Variants in PRRC2A observed in about 807,000 individuals in gnomAD.
PRRC2A encodes protein PRRC2A.
PRRC2A carries 59 observed loss-of-function variants against 224.6 expected under a neutral mutation model. The observed-to-expected ratio is 0.26, with a 90% CI of 0.21 to 0.33. The LOEUF is 0.33. PRRC2A is among the 10% of genes least tolerant of loss of function. The probability of loss-of-function intolerance (pLI) is 1.00; values close to 1 mark genes in which losing one functional copy is unlikely to be tolerated. For missense variants in PRRC2A, 3,095 were observed against 2,880.7 expected, an observed-to-expected ratio of 1.07 and a Z score of -1.70; for synonymous variants, 1,194 against 1,109.5, an observed-to-expected ratio of 1.08 and a Z score of -1.51.
At chr6:31,630,233 C>T (rs1342788213) in intron 14 of PRRC2A, among the ~76,000 whole-genome samples, 1 of 152,196 alleles carries the variant, frequency 6.6e-6, no homozygotes, top group Non-Finnish European at 1.5e-5. Flanking sequence ...AGGAGAAACG[C>T]TTGAACCCAG....
In PRRC2A at chr6:31,632,179, G is replaced by A. The variant is rs551529031; in HGVS notation, c.3506G>A (p.Arg1169His). 1.0e-4 allele frequency: 164 copies of A among 1,596,228 alleles called. No homozygotes were observed. The South Asian group carries it at 1.7e-3, about 16-fold the overall frequency. ...TTCACTCCCAGAGGGGTGCCATCTC[G>A]CCGGGGCCGAGGAGGAGGGAGGCCC... ...RVFTPRGVPS[R>H]RGRGGGRPPP... Residue 1169 changes from arginine (R) to histidine (H), a missense_variant, in exon 16 of 31, where the codon CGC becomes CAC. Coordinates refer to ENST00000376033, the MANE Select transcript of PRRC2A (RefSeq NM_004638.4).
chr6:31,632,957 C>G lies in PRRC2A; in HGVS notation c.4284C>G (p.Gly1428=), dbSNP rs373535637. Residue 1428 remains glycine (G), a synonymous_variant, in exon 16 of 31, where the codon GGC becomes GGG. Coordinates refer to ENST00000376033, the MANE Select transcript of PRRC2A (RefSeq NM_004638.4). ...GAGGAAGGACCGGGCCAGGACGAGG[C>G]GACAAGAGGAGCTGGCCCTCTCCCA... ...GPGGRTGPGR[G]DKRSWPSPKN... is the part of the protein sequence containing the mutation. The G allele has an allele frequency of 6.2e-7, 1 of 1,601,328 alleles. No homozygotes were observed. Among genetic ancestry groups the G allele is most frequent in the Non-Finnish European group, 8.5e-7 (1 of 1,172,744 alleles).
rs760353643 is a variant in PRRC2A, at chr6:31,634,478, G to T, written c.4856G>T (p.Ser1619Ile). The T allele has an allele frequency of 7.4e-6, 12 of 1,612,982 alleles. No homozygotes were observed. The Admixed American group carries it at 1.8e-4, about 25-fold the overall frequency. The change falls in exon 20 of 31, where the codon AGC (serine) becomes ATC (isoleucine). Residue 1619 changes from serine (S) to isoleucine (I), a missense_variant. Coordinates refer to ENST00000376033, the MANE Select transcript of PRRC2A (RefSeq NM_004638.4). ...TTGGTGCTCCCTTCTCCAGCCACTAGCCGAAAGAGTTACCGGCCCAGCTCC... is the reference window on the plus strand; with the variant it reads ...TTGGTGCTCCCTTCTCCAGCCACTATCCGAAAGAGTTACCGGCCCAGCTCC... ...HIWNRLHTAT[S>I]RKSYRPSSME...
In PRRC2A at chr6:31,634,946, C is replaced by T. The variant is rs1486843888; in HGVS notation, c.5129C>T (p.Pro1710Leu). Residue 1710 changes from proline (P) to leucine (L), a missense_variant, in exon 21 of 31, where the codon CCA (proline) becomes CTA (leucine). Transcript: ENST00000376033. The stretch of plus-strand genomic sequence containing the variant: ...CCTGGCTCTGAACCTCCTAGGAGAC[C>T]ACCACCTGCCCCCCACGATGGGGAC... ...GPPGSEPPRR[P>L]PPAPHDGDRK... is the part of the protein sequence containing the mutation. 2 of 1,612,768 alleles carry T rather than the reference C, an allele frequency of 1.2e-6. No homozygotes were observed. Among genetic ancestry groups the T allele is most frequent in the Non-Finnish European group, 1.7e-6 (2 of 1,179,900 alleles).
In PRRC2A at chr6:31,625,821, G is replaced by A. The variant is rs763469992; in HGVS notation, c.789G>A (p.Pro263=). ...ATCCCCCATATCTCCCGTTCCCTCC[G>A]CCCTATGGACCCCAGGGGCCTTACC... The part of the protein sequence containing the change: ...FMYPPYLPFP[P]PYGPQGPYRY... Residue 263 remains proline, a synonymous_variant, in exon 8 of 31, where the codon CCG becomes CCA. Transcript: ENST00000376033. The surrounding 1 kb of genome is among the most constrained non-coding windows in gnomAD (Gnocchi z 4.1). The A allele has an allele frequency of 1.5e-5, 24 of 1,587,880 alleles. 1 individual carries two copies. The South Asian group carries it at 2.0e-4, about 13-fold the overall frequency.
At chr6:31,624,423 T>G in intron 4 of PRRC2A, 27 bp from the exon 5 acceptor site, 1 of 1,610,278 alleles carries the variant, frequency 6.2e-7, no homozygotes, top group South Asian at 1.1e-5. Context: ...CCCACATCAT[T>G]TATCATCTTT....
intron 2 of PRRC2A, chr6:31,623,257 AGATTTTT>A: frequency 4.8e-6 from 2 of 418,932 alleles, no homozygotes; most frequent in Non-Finnish European, 8.7e-6. Context: ...GGGATTTCAT[AGATTTTT>A]TTTTTTTTTT....
rs1237099573 is a variant in PRRC2A at position 31,631,798 on chromosome 6, A to G, written c.3125A>G (p.Tyr1042Cys). The part of the protein sequence containing the change: ...FARGRGFRGT[Y>C]GGRGRGARSR... Reference sequence around the variant, plus strand: ...AGAGGGAGGGGTTTTCGGGGGACCTATGGGGGACGAGGGCGGGGAGCCCGA... The same window carrying G: ...AGAGGGAGGGGTTTTCGGGGGACCTGTGGGGGACGAGGGCGGGGAGCCCGA... Residue 1042 changes from tyrosine (Y) to cysteine (C), a missense_variant, in exon 16 of 31, where the codon TAT becomes TGT. Transcript: ENST00000376033. This position sits in a 1 kb window ranked among gnomAD's most constrained non-coding sequence, Gnocchi z 4.5. 6.3e-7 allele frequency: 1 copy of G among 1,577,832 alleles called. No individual in the cohort carries two copies. The highest frequency in any genetic ancestry group is 1.2e-5 in the South Asian group (1 of 86,140).
In PRRC2A at chr6:31,636,776, T is replaced by A. The variant is rs1476151903; in HGVS notation, c.5978T>A (p.Phe1993Tyr). Reference protein sequence around the residue: ...MVDSQLPVVNFGSLPPAPPPA... With the variant: ...MVDSQLPVVNYGSLPPAPPPA... Reference sequence around the variant, plus strand: ...GACTCACAGCTGCCTGTGGTGAACTTTGGCTCCCTGCCGCCAGCACCACCT... The same window carrying A: ...GACTCACAGCTGCCTGTGGTGAACTATGGCTCCCTGCCGCCAGCACCACCT... Residue 1993 changes from phenylalanine (F) to tyrosine (Y), a missense_variant, in exon 28 of 31, where the codon TTT becomes TAT. By Grantham distance (22) the Phe-to-Tyr change is conservative. Transcript: ENST00000376033. This position sits in a 1 kb window ranked among gnomAD's most constrained non-coding sequence, Gnocchi z 4.3. The A allele has an allele frequency of 1.3e-5, 21 of 1,607,328 alleles. No individual in the cohort carries two copies. Among genetic ancestry groups the A allele is most frequent in the Non-Finnish European group, 1.8e-5 (21 of 1,179,988 alleles).
intron 3 of PRRC2A, 82 bp from the exon 4 acceptor site, chr6:31,624,179 A>G: frequency 7.3e-7 from 1 of 1,367,974 alleles, no homozygotes; most frequent in East Asian, 2.3e-5. Flanking sequence ...AATGGGCATG[A>G]TTTCAGTCCT....
Position 31,635,653 on chromosome 6 carries a change from C to A in PRRC2A, c.5445C>A (p.Asn1815Lys), listed in dbSNP as rs1777249025. ...AAASAEPQSK[N>K]LDSGHCVPEP... is the part of the protein sequence containing the mutation. ...CCTCTGCTGAGCCACAATCCAAGAA[C>A]CTGGATTCTGGGCACTGTGTCCCGG... is the stretch of plus-strand genomic sequence containing the variant. Residue 1815 changes from asparagine to lysine, a missense_variant, in exon 24 of 31, where the codon AAC (asparagine) becomes AAA (lysine). Asn to Lys is a moderately conservative substitution (Grantham distance 94). This residue lies in a region of PRRC2A where 662 missense variants were observed against 609.5 expected (regional missense o/e 1.09). Coordinates refer to ENST00000376033, the MANE Select transcript of PRRC2A (RefSeq NM_004638.4). 4 of 1,612,822 alleles carry A rather than the reference C, an allele frequency of 2.5e-6. No individual in the cohort carries two copies. The highest frequency in any genetic ancestry group is 3.4e-6 in the Non-Finnish European group (4 of 1,179,974).
In PRRC2A at chr6:31,636,712, C is replaced by T. The variant is rs775268578; in HGVS notation, c.5935-21C>T. ...CATTCCTCCCTGCCCCCAACATGCACACCCAAATTTCTTGTTACAGATGCT... is the reference window on the plus strand; with the variant it reads ...CATTCCTCCCTGCCCCCAACATGCATACCCAAATTTCTTGTTACAGATGCT... On this transcript the variant is annotated intron_variant, in intron 27 of 30. Coordinates refer to ENST00000376033, the MANE Select transcript of PRRC2A (RefSeq NM_004638.4). The surrounding 1 kb of genome is among the most constrained non-coding windows in gnomAD (Gnocchi z 4.3). The T allele has an allele frequency of 4.7e-5, 76 of 1,605,748 alleles. No homozygotes were observed. The highest frequency in any genetic ancestry group is 6.2e-5 in the Non-Finnish European group (73 of 1,177,400).
chr6:31,627,216 G>C lies in PRRC2A; in HGVS notation c.1290+18G>C. ...ACTACCCAGTGAGTGTCTCCAATAA[G>C]GGATTGAGAGGGTCAGCTGTGGGAA... is the stretch of plus-strand genomic sequence containing the variant. On this transcript the variant is annotated intron_variant, in intron 11 of 30. Transcript: ENST00000376033. The surrounding 1 kb of genome is among the most constrained non-coding windows in gnomAD (Gnocchi z 5.6). The C allele has an allele frequency of 4.0e-6, 6 of 1,507,198 alleles. No homozygotes were observed. The highest frequency in any genetic ancestry group is 5.5e-6 in the Non-Finnish European group (6 of 1,089,784). 93.4% of individuals were successfully genotyped at this position (1,507,198 alleles called of 1,614,324 possible). A position where few individuals can be genotyped will look rare whatever the true frequency, so the allele number is the denominator to read the frequency against.
At position 31,636,750 on chromosome 6, in the gene PRRC2A, A is replaced by G. The variant is rs1197010725; in HGVS notation, c.5952A>G (p.Val1984=). ...TGTTACAGATGCTTCTACCCATGGT[A>G]GACTCACAGCTGCCTGTGGTGAACT... is the stretch of plus-strand genomic sequence containing the variant. The part of the protein sequence containing the change: ...APAQQMLLPM[V]DSQLPVVNFG... The change falls in exon 28 of 31, where the codon GTA becomes GTG. Residue 1984 remains valine, a synonymous_variant. Coordinates refer to ENST00000376033, the MANE Select transcript of PRRC2A (RefSeq NM_004638.4). The surrounding 1 kb of genome is among the most constrained non-coding windows in gnomAD (Gnocchi z 4.3). 2 of 1,607,012 alleles carry G rather than the reference A, an allele frequency of 1.2e-6. No individual in the cohort carries two copies. The highest frequency in any genetic ancestry group is 8.5e-7 in the Non-Finnish European group (1 of 1,179,994).
rs1776526475 is a variant in PRRC2A at position 31,631,265 on chromosome 6, C to G, written c.2592C>G (p.Leu864=). 9.3e-6 allele frequency: 15 copies of G among 1,612,238 alleles called. No individual in the cohort carries two copies. The highest frequency in any genetic ancestry group is 1.3e-5 in the Non-Finnish European group (15 of 1,179,766). Residue 864 remains leucine, a synonymous_variant, in exon 16 of 31, where the codon CTC becomes CTG. Coordinates refer to ENST00000376033, the MANE Select transcript of PRRC2A (RefSeq NM_004638.4). The surrounding 1 kb of genome is among the most constrained non-coding windows in gnomAD (Gnocchi z 4.5). The part of the protein sequence containing the change: ...FPLEEPGPRP[L]PWPPGSDEVA... ...TGGAGGAACCAGGGCCCCGTCCACT[C>G]CCCTGGCCCCCAGGCAGTGATGAAG...
intron 14 of PRRC2A, 98 bp downstream of exon 14, chr6:31,629,943 C>G: frequency 6.5e-7 from 1 of 1,537,956 alleles, no homozygotes; most frequent in Non-Finnish European, 8.8e-7. Context: ...ATAGGTTTTG[C>G]CCATCATAGT....
chr6:31,633,943 C>T lies in PRRC2A; in HGVS notation c.4673C>T (p.Pro1558Leu), dbSNP rs763998679. ...TCTGCCGGGGTTAGTCCCTTTCCCC[C>T]TAAACGTCGGGAGCGGCCTCCCAGA... ...RDSAGVSPFPPKRRERPPRKP... is the reference protein window; with the variant it reads ...RDSAGVSPFPLKRRERPPRKP... The change falls in exon 18 of 31, where the codon CCT (proline) becomes CTT (leucine). Residue 1558 changes from proline to leucine, a missense_variant. By Grantham distance (98) the Pro-to-Leu change is moderately conservative. Coordinates refer to ENST00000376033, the MANE Select transcript of PRRC2A (RefSeq NM_004638.4). The T allele has an allele frequency of 2.5e-6, 4 of 1,598,418 alleles. No homozygotes were observed. Among genetic ancestry groups the T allele is most frequent in the African/African-American group, 1.4e-5 (1 of 73,828 alleles).
rs755810437 is a variant in PRRC2A, at chr6:31,628,049, T to G, written c.1575T>G (p.Pro525=). Residue 525 remains proline (P), a synonymous_variant, in exon 12 of 31, where the codon CCT becomes CCG. Transcript: ENST00000376033. ...PSTPAPPPAV[P]KELPAPPAPP... is the part of the protein sequence containing the mutation. ...CCCCAGCTCCACCACCTGCAGTCCC[T>G]AAAGAACTCCCTGCACCTCCAGCTC... 3.1e-6 allele frequency: 5 copies of G among 1,612,568 alleles called. No individual in the cohort carries two copies. In the African/African-American group the frequency reaches 6.7e-5, roughly 22 times the overall value.
chr6:31,633,570 C>T lies in PRRC2A; in HGVS notation c.4511C>T (p.Pro1504Leu). ...CATCCAAGGCACAAGCCTGGGCTTC[C>T]CCAAGCCCCTCAGGGCCCCTCTCCT... The part of the protein sequence containing the change: ...GGHPRHKPGL[P>L]QAPQGPSPRP... The change falls in exon 17 of 31, where the codon CCC (proline) becomes CTC (leucine). Residue 1504 changes from proline to leucine, a missense_variant. By Grantham distance (98) the Pro-to-Leu change is moderately conservative. This residue lies in a region of PRRC2A where 2,001 missense variants were observed against 1,764.9 expected (regional missense o/e 1.13). Coordinates refer to ENST00000376033, the MANE Select transcript of PRRC2A (RefSeq NM_004638.4). The T allele has an allele frequency of 1.2e-6, 2 of 1,613,016 alleles. No homozygotes were observed. The highest frequency in any genetic ancestry group is 1.7e-6 in the Non-Finnish European group (2 of 1,179,946).
Sources: allele counts gnomAD v4.1 joint callset (sites outside exome capture counted in the v4.1 genomes callset), GRCh38; gene constraint gnomAD v4.1.1; regional missense constraint gnomAD v4.1.1; non-coding constraint Gnocchi (gnomAD v3.1); transcripts MANE v1.5; gene names NCBI Gene and HGNC (gene_info 2026-07-23, HGNC 2026-07-21).